The following UGT1A5 variants were observed in gnomAD, a reference collection of about 807,000 sequenced individuals.
UGT1A5 encodes the protein UDP glucuronosyltransferase family 1 member A5, also known as UDP-glucuronosyltransferase 1A5.
UGT1A5 carries 29 observed loss-of-function variants against 40.3 expected under a neutral mutation model. That is an observed-to-expected ratio of 0.72 (90% CI 0.54 to 0.98). UGT1A5 has a LOEUF of 0.98. Ranked by LOEUF, UGT1A5 falls within the 50% of genes least tolerant of loss-of-function variation. The pLI is 0.00. For missense variants in UGT1A5, 678 were observed against 677.9 expected (o/e 1.00, Z 0.00); for synonymous variants, 257 against 262.5 (o/e 0.98, Z 0.20).
chr2:233,754,378 C>A, intron 1 of UGT1A5: 1 of 285,606 alleles, frequency 3.5e-6, no homozygotes, highest in East Asian at 8.9e-5. Flanking sequence ...GATCGAAAGA[C>A]AAACAGAGGT....
intron 1 of UGT1A5, among the ~76,000 whole-genome samples, chr2:233,756,771 G>T (rs1424521769): frequency 2.0e-5 from 3 of 152,000 alleles, no homozygotes; most frequent in Admixed American, 6.5e-5. Flanking sequence ...TGGATTCTTT[G>T]CTTTGATAAA....
chr2:233,772,555 A>G lies in UGT1A5; in HGVS notation c.1601A>G (p.His534Arg), dbSNP rs1350310639. Reference sequence around the variant, plus strand: ...AAGAAAGCCCACAAATCCAAGACCCATTGAGAAGTGGGTGGGAAATAAGGT... The same window carrying G: ...AAGAAAGCCCACAAATCCAAGACCCGTTGAGAAGTGGGTGGGAAATAAGGT... The part of the protein sequence containing the change: ...RVKKAHKSKT[H>R] The change falls in exon 5 of 5, where the codon CAT becomes CGT. Residue 534 changes from histidine to arginine, a missense_variant. Transcript: ENST00000373414. The G allele has an allele frequency of 3.1e-6, 5 of 1,613,990 alleles. No homozygotes were observed. In the South Asian group the frequency reaches 5.5e-5, roughly 18 times the overall value.
Position 233,760,233 on chromosome 2 carries a change from C to CATATAT in UGT1A5, c.868-6791_868-6786dup, listed in dbSNP as rs3064744. 17 of 1,510,056 alleles carry CATATAT rather than the reference C, an allele frequency of 1.1e-5. No individual in the cohort carries two copies. The African/African-American group carries it at 1.9e-4, about 17-fold the overall frequency. The allele number at this position is 1,510,056 out of a possible 1,614,324, so 93.5% of individuals were successfully genotyped here. On this transcript the variant is annotated intron_variant, in intron 1 of 4. Coordinates refer to ENST00000373414, the MANE Select transcript of UGT1A5 (RefSeq NM_019078.2). ...ACTTGGTGTATCGATTGGTTTTTGC[C>CATATAT]ATATATATATATATAAGTAGGAGAG...
chr2:233,747,562 T>C (rs1237868574), intron 1 of UGT1A5: 2 of 1,595,464 alleles, frequency 1.3e-6, no homozygotes, highest in South Asian at 1.1e-5. Context: ...ATGGCAATTT[T>C]GAAAAATTCA....
rs116347049 is a variant in UGT1A5 at position 233,716,695 on chromosome 2, T to C, written c.867+2837T>C. The stretch of plus-strand genomic sequence containing the variant: ...ACCCCAAGATATAGTTTCTACATTC[T>C]CTTAAAAACACTAAAGAGTTCCAGT... On this transcript the variant is annotated intron_variant, in intron 1 of 4. Transcript: ENST00000373414. 4.9e-3 allele frequency among the ~76,000 whole-genome samples: 749 copies of C among 152,322 alleles called. 4 individuals carry two copies. The highest frequency in any genetic ancestry group is 0.017 in the African/African-American group (721 of 41,564).
intron 1 of UGT1A5, chr2:233,741,568 C>G (rs1459540084): frequency 2.0e-5 from 3 of 151,868 alleles, no homozygotes; most frequent in African/African-American, 7.3e-5. Context: ...GTATGAGAAT[C>G]AACTACCCAG....
chr2:233,765,190 A>G (rs186057259), intron 1 of UGT1A5, among the ~76,000 whole-genome samples: 22 of 152,308 alleles, frequency 1.4e-4, no homozygotes, highest in Admixed American at 5.2e-4. Flanking sequence ...ACATCACACA[A>G]TCATATTAGT....
At chr2:233,747,871 T>G (rs12466997) in intron 1 of UGT1A5, 2 of 1,613,304 alleles carry the variant, frequency 1.2e-6, no homozygotes, top group Non-Finnish European at 1.7e-6. Flanking sequence ...CCTCTGGCCC[T>G]GTCCTACCTT....
intron 1 of UGT1A5, among the ~76,000 whole-genome samples, chr2:233,724,293 C>T (rs1226718888): frequency 6.7e-5 from 9 of 135,040 alleles, no homozygotes; most frequent in East Asian, 2.4e-4. Context: ...GGGGGCTGAC[C>T]CCCCCACCTC....
At chr2:233,721,128 G>C (rs920776515) in intron 1 of UGT1A5, among the ~76,000 whole-genome samples, 1 of 152,006 alleles carries the variant, frequency 6.6e-6, no homozygotes, top group Non-Finnish European at 1.5e-5. Context: ...CTTTTTATTA[G>C]TGTAGGTATT....
chr2:233,718,686 G>A, intron 1 of UGT1A5: 8 of 1,582,298 alleles, frequency 5.1e-6, no homozygotes, highest in Non-Finnish European at 6.9e-6. Context: ...ATAAGTAACT[G>A]GAGGAGGGCA....
Position 233,727,952 on chromosome 2 carries a change from C to T in UGT1A5, c.867+14094C>T, listed in dbSNP as rs370815367. On this transcript the variant is annotated intron_variant, in intron 1 of 4. Coordinates refer to ENST00000373414, the MANE Select transcript of UGT1A5 (RefSeq NM_019078.2). ...AAGTGCACACCCCAGACAGCCTGCC[C>T]ACATCATCCTGAGGTGACCAGGACA... 3.3e-5 allele frequency among the ~76,000 whole-genome samples: 5 copies of T among 152,204 alleles called. No homozygotes were observed. In the East Asian group the frequency reaches 7.7e-4, roughly 23 times the overall value.
chr2:233,749,081 G>T (rs958459779), intron 1 of UGT1A5, among the ~76,000 whole-genome samples: 3 of 151,758 alleles, frequency 2.0e-5, no homozygotes, highest in African/African-American at 7.3e-5. Context: ...TCCTTGGTGT[G>T]CCATGTATTT....
chr2:233,719,136 C>T (rs2076730014), intron 1 of UGT1A5: 26 of 1,614,246 alleles, frequency 1.6e-5, no homozygotes, highest in Non-Finnish European at 2.0e-5. Context: ...AACAGAACAT[C>T]TTCTGAAGAG....
rs1700550070 is a variant in UGT1A5, at chr2:233,772,816, C to A, written c.*257C>A. 3 of 1,016,374 alleles carry A rather than the reference C, an allele frequency of 3.0e-6. No individual in the cohort carries two copies. The highest frequency in any genetic ancestry group is 3.1e-5 in the Admixed American group (1 of 31,990). 63.0% of individuals were successfully genotyped at this position (1,016,374 alleles called of 1,614,324 possible). ...CATGTGCCATTTTTCAGAGGACGTG[C>A]AGACAGGCTGGCATTCTAGATTACT... On this transcript the variant is annotated 3_prime_UTR_variant, in exon 5 of 5. Transcript: ENST00000373414.
chr2:233,742,329 G>T (rs1030248524), intron 1 of UGT1A5, among the ~76,000 whole-genome samples: 2 of 151,942 alleles, frequency 1.3e-5, no homozygotes, highest in Non-Finnish European at 2.9e-5. Context: ...GGGAAACAAA[G>T]GGATGGGCTC....
intron 1 of UGT1A5, among the ~76,000 whole-genome samples, chr2:233,749,386 A>T (rs1303750912): frequency 1.3e-5 from 2 of 151,906 alleles, no homozygotes; most frequent in African/African-American, 2.4e-5. Context: ...CAGTTTTTCA[A>T]TGTGAACATA....
At chr2:233,733,916 G>A (rs1485118411) in intron 1 of UGT1A5, among the ~76,000 whole-genome samples, 2 of 151,970 alleles carry the variant, frequency 1.3e-5, no homozygotes, top group South Asian at 2.1e-4. Context: ...GGTAGAATTC[G>A]GCTGTGAGGA....
intron 1 of UGT1A5, among the ~76,000 whole-genome samples, chr2:233,748,852 G>A (rs1236663773): frequency 6.6e-6 from 1 of 151,452 alleles, no homozygotes; most frequent in Non-Finnish European, 1.5e-5. Flanking sequence ...GAGCGTATAA[G>A]CCCAGTTAAG....
Sources: allele counts gnomAD v4.1 joint callset (sites outside exome capture counted in the v4.1 genomes callset), GRCh38; gene constraint gnomAD v4.1.1; transcripts MANE v1.5; gene names NCBI Gene and HGNC (gene_info 2026-07-23, HGNC 2026-07-21).